Variants in PRKCQ observed in about 807,000 individuals in gnomAD.
PRKCQ encodes the protein protein kinase C theta.
PRKCQ carries 41 observed loss-of-function variants against 91.2 expected under a neutral mutation model. The ratio of observed to expected loss-of-function variants is 0.45; its 90% CI spans 0.35 to 0.58. The LOEUF (loss-of-function observed/expected upper bound fraction) is 0.58. PRKCQ is among the 20% of genes least tolerant of loss of function. The probability of loss-of-function intolerance (pLI) is 0.00; values close to 1 mark genes in which losing one functional copy is unlikely to be tolerated. For missense variants in PRKCQ, 673 were observed against 896.5 expected (o/e 0.75, Z 3.18); for synonymous variants, 307 against 316.9 (o/e 0.97, Z 0.33).
rs1281498483 is a variant in PRKCQ at position 6,538,887 on chromosome 10, CG to C, written c.-9-23744del. ...CAAGCAATTCTCCTGCCTCACCCTCCGGAGTAGCTGGGACTACAGGTGCGCC... is the reference window on the plus strand; with the variant it reads ...CAAGCAATTCTCCTGCCTCACCCTCCGAGTAGCTGGGACTACAGGTGCGCC... On this transcript the variant is annotated intron_variant, in intron 1 of 17. Transcript: ENST00000263125. 1.7e-4 allele frequency among the ~76,000 whole-genome samples: 26 copies of C among 152,226 alleles called. No individual in the cohort carries two copies. In the East Asian group the frequency reaches 5.0e-3, roughly 29 times the overall value.
intron 13 of PRKCQ, among the ~76,000 whole-genome samples, chr10:6,463,121 T>C (rs371312139): frequency 1.4e-4 from 22 of 152,332 alleles, no homozygotes; most frequent in African/African-American, 5.3e-4. Context: ...ACTAGCTGGT[T>C]TATTTTCGTA....
chr10:6,457,986 T>TGCACTC, intron 14 of PRKCQ, among the ~76,000 whole-genome samples: 1 of 152,092 alleles, frequency 6.6e-6, no homozygotes, highest in Non-Finnish European at 1.5e-5. Flanking sequence ...TTCCCTGTCA[T>TGCACTC]CCAGGCTGGA....
intron 1 of PRKCQ, among the ~76,000 whole-genome samples, chr10:6,523,990 G>A (rs530957023): frequency 6.6e-6 from 1 of 152,088 alleles, no homozygotes; most frequent in Admixed American, 6.5e-5. Flanking sequence ...GACTCTCAGC[G>A]GAGTCCCAGC....
chr10:6,473,244 T>G (rs1269068938), intron 12 of PRKCQ, among the ~76,000 whole-genome samples: 2 of 152,364 alleles, frequency 1.3e-5, no homozygotes, highest in East Asian at 3.9e-4. Context: ...TCTCTCCCTA[T>G]GGAAACCCTA....
intron 1 of PRKCQ, among the ~76,000 whole-genome samples, chr10:6,564,464 G>C (rs1840762442): frequency 6.6e-6 from 1 of 151,980 alleles, no homozygotes; most frequent in South Asian, 2.1e-4. Context: ...CCTTGATCTT[G>C]CCTGGCCCGT....
At chr10:6,425,196 G>T (rs1833085662), downstream of PRKCQ, among the ~76,000 whole-genome samples, 1 of 151,546 alleles carries the variant, frequency 6.6e-6, no homozygotes, top group Non-Finnish European at 1.5e-5. Flanking sequence ...TAAGCTTTAT[G>T]GTCTCCCTGG....
intron 10 of PRKCQ, among the ~76,000 whole-genome samples, chr10:6,484,267 C>T (rs477840): frequency 6.6e-6 from 1 of 152,206 alleles, no homozygotes; most frequent in African/African-American, 2.4e-5. Context: ...ACAAAGAATT[C>T]GCTGGGTGCG....
chr10:6,425,247 C>T (rs1020389611), downstream of PRKCQ, among the ~76,000 whole-genome samples: 1 of 131,226 alleles, frequency 7.6e-6, no homozygotes, highest in South Asian at 2.5e-4. Flanking sequence ...TTTTTTGAAA[C>T]AGAGTCTTGC....
At chr10:6,419,380 C>T in the PRKCQ span, among the ~76,000 whole-genome samples, 2 of 152,118 alleles carry the variant, frequency 1.3e-5, no homozygotes, top group Admixed American at 1.3e-4. Context: ...TTTGCTCTTT[C>T]CTAATGTTTA....
At chr10:6,429,854 T>C (rs11596750) in intron 17 of PRKCQ, among the ~76,000 whole-genome samples, 91,128 of 151,856 alleles carry the variant, frequency 0.6, 30,581 homozygotes, top group East Asian at 0.84. Context: ...CTTGGCCTAC[T>C]GAGGAGTTTG....
chr10:6,447,794 G>A (rs2132278912), intron 15 of PRKCQ, among the ~76,000 whole-genome samples: 1 of 152,320 alleles, frequency 6.6e-6, no homozygotes, highest in East Asian at 1.9e-4. Flanking sequence ...TCCCCTCCCT[G>A]AAGGTGCTTA....
chr10:6,548,050 A>T (rs1840031919), intron 1 of PRKCQ, among the ~76,000 whole-genome samples: 1 of 151,920 alleles, frequency 6.6e-6, no homozygotes, highest in Admixed American at 6.6e-5. Context: ...AAAACAAACA[A>T]CCCCATCAAA....
chr10:6,517,588 C>CTTTTTTTTTTTT (rs56306878), intron 1 of PRKCQ, among the ~76,000 whole-genome samples: 2 of 49,492 alleles, frequency 4.0e-5, no homozygotes, highest in African/African-American at 7.9e-5. Flanking sequence ...AAGATAGCAT[C>CTTTTTTTTTTTT]TTTTTTTTTT....
the PRKCQ span, among the ~76,000 whole-genome samples, chr10:6,419,955 C>G: frequency 6.6e-6 from 1 of 151,928 alleles, no homozygotes; most frequent in Non-Finnish European, 1.5e-5. Context: ...TCCCAAAGTG[C>G]TAGGATTATA....
intron 15 of PRKCQ, among the ~76,000 whole-genome samples, chr10:6,443,985 G>C (rs1834103898): frequency 6.6e-6 from 1 of 152,150 alleles, no homozygotes; most frequent in Non-Finnish European, 1.5e-5. Flanking sequence ...ATAGGGAGCT[G>C]GTATTTAATG....
chr10:6,534,531 A>G (rs1983910), intron 1 of PRKCQ, among the ~76,000 whole-genome samples: 138,570 of 151,980 alleles, frequency 0.91, 63,760 homozygotes, highest in East Asian at 1. Context: ...ATAGAAGGAA[A>G]TGTGTATTAA....
chr10:6,485,329 C>T (rs1836846664), intron 9 of PRKCQ, 60 bp from the exon 10 acceptor site: 1 of 1,318,220 alleles, frequency 7.6e-7, no homozygotes, highest in Non-Finnish European at 1.1e-6. Context: ...AACAGCTCAG[C>T]CTGCTAACGA....
chr10:6,485,752 T>C (rs767671572), intron 9 of PRKCQ, among the ~76,000 whole-genome samples: 2 of 152,256 alleles, frequency 1.3e-5, no homozygotes, highest in Non-Finnish European at 2.9e-5. Flanking sequence ...CACATAAAGC[T>C]GTCAATGAAT....
chr10:6,394,129 A>T, the PRKCQ span, among the ~76,000 whole-genome samples: 1,129 of 152,364 alleles, frequency 7.4e-3, 11 homozygotes, highest in African/African-American at 0.026. Flanking sequence ...TTTATGTATG[A>T]TGTTAAATTC....
Sources: gnomAD v4.1 joint callset for allele counts (sites outside exome capture counted in the v4.1 genomes callset) on GRCh38, gnomAD v4.1.1 for gene constraint, MANE v1.5 for transcripts, NCBI Gene and HGNC (gene_info 2026-07-23, HGNC 2026-07-21) for gene names.